Variants in TRPM6 observed in about 807,000 individuals in gnomAD.
TRPM6 encodes channel kinase 2.
Under a neutral mutation model 247.6 loss-of-function variants are expected in TRPM6, and 111 were observed. The observed-to-expected ratio is 0.45, with a 90% CI of 0.38 to 0.52. The LOEUF (loss-of-function observed/expected upper bound fraction) is 0.52. Ranked by LOEUF, TRPM6 falls within the 20% of genes least tolerant of loss-of-function variation. The pLI, the probability that TRPM6 is intolerant of heterozygous loss-of-function variation, is 0.00. For missense variants in TRPM6, 2,126 were observed against 2,421.5 expected (o/e 0.88, Z 2.56); for synonymous variants, 892 against 853.8 (o/e 1.04, Z -0.78).
chr9:74,829,750 A>C (rs946050485), intron 6 of TRPM6, among the ~76,000 whole-genome samples: 79 of 152,300 alleles, frequency 5.2e-4, no homozygotes, highest in Non-Finnish European at 6.3e-4. Context: ...TTTTAAAAAG[A>C]TAAGAAATAA....
In TRPM6 at chr9:74,723,820, AT is replaced by A. The variant is rs1825219117; in HGVS notation, c.*792del. Reference sequence around the variant, plus strand: ...CTCAAAAATAAAAATATATATATATATATATAAAATATATATATTCCATATG... The same window carrying A: ...CTCAAAAATAAAAATATATATATATAATATAAAATATATATATTCCATATG... On this transcript the variant is annotated 3_prime_UTR_variant, in exon 39 of 39. Transcript: ENST00000360774. 6.8e-6 allele frequency: 1 copy of A among 146,648 alleles called. No individual in the cohort carries two copies. The highest frequency in any genetic ancestry group is 6.9e-5 in the Admixed American group (1 of 14,518). 9.1% of individuals were successfully genotyped at this position (146,648 alleles called of 1,614,324 possible).
intron 1 of TRPM6, among the ~76,000 whole-genome samples, chr9:74,883,733 G>A (rs189468173): frequency 7.9e-5 from 12 of 152,076 alleles, no homozygotes; most frequent in African/African-American, 1.9e-4. Flanking sequence ...AGCCAGGCAC[G>A]GTGTCATGTG....
At chr9:74,795,493 G>C (rs141635374) in intron 18 of TRPM6, among the ~76,000 whole-genome samples, 2 of 152,084 alleles carry the variant, frequency 1.3e-5, no homozygotes, top group Admixed American at 1.3e-4. Flanking sequence ...TACCACTTGC[G>C]ATGCTTTACA....
intron 3 of TRPM6, among the ~76,000 whole-genome samples, chr9:74,847,695 A>G (rs918452687): frequency 6.6e-6 from 1 of 152,006 alleles, no homozygotes; most frequent in African/African-American, 2.4e-5. Context: ...AGTCATATAT[A>G]TATAGTCATA....
chr9:74,790,757 G>C (rs1470030980), intron 19 of TRPM6, among the ~76,000 whole-genome samples: 1 of 152,154 alleles, frequency 6.6e-6, no homozygotes, highest in African/African-American at 2.4e-5. Flanking sequence ...ATACGAATCT[G>C]GAAGATTTAT....
At chr9:74,776,544 C>A (rs748810678) in intron 23 of TRPM6, among the ~76,000 whole-genome samples, 1 of 152,112 alleles carries the variant, frequency 6.6e-6, no homozygotes, top group African/African-American at 2.4e-5. Context: ...AGTGAAGAAA[C>A]GGAAGAAGAA....
intron 23 of TRPM6, among the ~76,000 whole-genome samples, chr9:74,781,899 A>T (rs1190020457): frequency 6.6e-6 from 1 of 152,236 alleles, no homozygotes; most frequent in African/African-American, 2.4e-5. Context: ...GGGGAAAAGA[A>T]AAGGATGATC....
At chr9:74,845,238 G>A (rs576447841) in intron 3 of TRPM6, among the ~76,000 whole-genome samples, 1 of 152,274 alleles carries the variant, frequency 6.6e-6, no homozygotes, top group African/African-American at 2.4e-5. Flanking sequence ...TTAATGCAAG[G>A]TTCCCACAAA....
At chr9:74,832,635 G>A (rs1829584838) in intron 6 of TRPM6, among the ~76,000 whole-genome samples, 1 of 152,162 alleles carries the variant, frequency 6.6e-6, no homozygotes, top group Non-Finnish European at 1.5e-5. Context: ...AATGGATAAG[G>A]GAAGAGGCGA....
At chr9:74,843,458 A>C (rs1434001252) in intron 3 of TRPM6, among the ~76,000 whole-genome samples, 2 of 152,158 alleles carry the variant, frequency 1.3e-5, no homozygotes, top group Non-Finnish European at 2.9e-5. Context: ...GTCCAGATCC[A>C]TCAGAGGAAT....
intron 3 of TRPM6, among the ~76,000 whole-genome samples, chr9:74,853,918 AT>A (rs1830445929): frequency 6.6e-6 from 1 of 152,242 alleles, no homozygotes; most frequent in South Asian, 2.1e-4. Context: ...AGTAAAAACA[AT>A]TTTTAAAAGA....
At chr9:74,817,116 A>C (rs1194027886) in intron 9 of TRPM6, 152 bp from the exon 10 acceptor site, 1 of 772,614 alleles carries the variant, frequency 1.3e-6, no homozygotes, top group African/African-American at 1.7e-5. Context: ...GAAAACTTTT[A>C]AATAGGGTAA....
intron 3 of TRPM6, among the ~76,000 whole-genome samples, chr9:74,851,791 A>ATAAT (rs1830327553): frequency 6.8e-6 from 1 of 147,260 alleles, no homozygotes; most frequent in Non-Finnish European, 1.5e-5. Flanking sequence ...ATATATATAT[A>ATAAT]ATATATATAT....
intron 7 of TRPM6, among the ~76,000 whole-genome samples, chr9:74,823,408 T>G (rs1829201602): frequency 6.6e-6 from 1 of 152,238 alleles, no homozygotes; most frequent in Non-Finnish European, 1.5e-5. Context: ...GTTATCTAGA[T>G]TTAAGGCATT....
intron 31 of TRPM6, among the ~76,000 whole-genome samples, chr9:74,745,118 G>C (rs1465263522): frequency 6.6e-6 from 1 of 152,194 alleles, no homozygotes; most frequent in Non-Finnish European, 1.5e-5. Context: ...TCACAATACA[G>C]TTAAAGTAAT....
chr9:74,846,729 A>G (rs986700985), intron 3 of TRPM6, among the ~76,000 whole-genome samples: 3 of 151,980 alleles, frequency 2.0e-5, no homozygotes, highest in Non-Finnish European at 4.4e-5. Context: ...TTGTATTTTT[A>G]GTAGAGACAG....
At chr9:74,776,783 A>T (rs1827239828) in intron 23 of TRPM6, among the ~76,000 whole-genome samples, 1 of 152,202 alleles carries the variant, frequency 6.6e-6, no homozygotes, top group Admixed American at 6.5e-5. Context: ...ATATAATATG[A>T]TATAAGAGGA....
At chr9:74,738,044 A>G (rs1825748573) in intron 36 of TRPM6, among the ~76,000 whole-genome samples, 2 of 152,338 alleles carry the variant, frequency 1.3e-5, no homozygotes, top group Admixed American at 1.3e-4. Context: ...CAAAATCATG[A>G]AAAACACCCA....
At chr9:74,821,395 C>T (rs185304965) in intron 8 of TRPM6, among the ~76,000 whole-genome samples, 132 of 152,236 alleles carry the variant, frequency 8.7e-4, no homozygotes, top group African/African-American at 3.1e-3. Context: ...GCCACACCTC[C>T]CTCACTCCCC....
Sources: gnomAD v4.1 joint callset for allele counts (sites outside exome capture counted in the v4.1 genomes callset) on GRCh38, gnomAD v4.1.1 for gene constraint, MANE v1.5 for transcripts, NCBI Gene and HGNC (gene_info 2026-07-23, HGNC 2026-07-21) for gene names.